Variants in ABCA13 observed in about 807,000 individuals in gnomAD.
ABCA13 encodes the protein ATP-binding cassette sub-family A member 13.
In ABCA13, 476 loss-of-function variants were observed where a neutral mutation model predicts 478.7. That is an observed-to-expected ratio of 0.99 (90% CI 0.92 to 1.07). ABCA13 has a LOEUF of 1.07. Among genes scored for constraint, ABCA13 ranks in the 50% least tolerant of loss-of-function variants. ABCA13 has a pLI of 0.00. For missense variants in ABCA13, 6,060 were observed against 5,910.6 expected, an observed-to-expected ratio of 1.03 and a Z score of -0.83; for synonymous variants, 2,252 against 2,158.9, an observed-to-expected ratio of 1.04 and a Z score of -1.20.
chr7:48,258,920 A>C lies in ABCA13; in HGVS notation c.2005+9569A>C, dbSNP rs904978121. Among the ~76,000 whole-genome samples, 43 of 150,492 alleles carry C rather than the reference A, an allele frequency of 2.9e-4. 2 individuals carry two copies. The highest frequency in any genetic ancestry group is 1.0e-3 in the African/African-American group (41 of 41,024). ...ATTACCATGTAATTGTGTAGTTTTG[A>C]GCAATTTTCTTGGCATTAGTTCCTA... is the stretch of plus-strand genomic sequence containing the variant. On this transcript the variant is annotated intron_variant, in intron 15 of 61. Transcript: ENST00000435803.
intron 59 of ABCA13, among the ~76,000 whole-genome samples, chr7:48,640,203 T>C (rs1337465993): frequency 6.6e-6 from 1 of 152,238 alleles, no homozygotes; most frequent in Non-Finnish European, 1.5e-5. Flanking sequence ...GTATTTGTTA[T>C]AAATTATGAC....
intron 57 of ABCA13, among the ~76,000 whole-genome samples, chr7:48,591,812 A>AT (rs909794827): frequency 2.6e-5 from 4 of 151,858 alleles, no homozygotes; most frequent in African/African-American, 9.7e-5. Context: ...TTGTATGTTG[A>AT]TTTTGTATCA....
intron 10 of ABCA13, 114 bp from the exon 11 acceptor site, chr7:48,244,462 T>G: frequency 7.8e-7 from 1 of 1,283,406 alleles, no homozygotes; most frequent in Non-Finnish European, 1.1e-6. Context: ...TTCAGTCTAG[T>G]GAACACACTT....
chr7:48,260,094 G>A (rs1793968576), intron 15 of ABCA13, among the ~76,000 whole-genome samples: 1 of 151,984 alleles, frequency 6.6e-6, no homozygotes, highest in Non-Finnish European at 1.5e-5. Flanking sequence ...GTTCTTATCT[G>A]TATTTCTGAA....
In ABCA13 at chr7:48,276,329, G is replaced by A. The variant is rs1038901718; in HGVS notation, c.6663G>A (p.Gln2221=). 12 of 1,557,354 alleles carry A rather than the reference G, an allele frequency of 7.7e-6. No homozygotes were observed. Among genetic ancestry groups the A allele is most frequent in the Non-Finnish European group, 9.6e-6 (11 of 1,149,454 alleles). The change falls in exon 17 of 62, where the codon CAG becomes CAA. Residue 2221 remains glutamine, a synonymous_variant. Transcript: ENST00000435803. ...NLINNLAGNS[Q]EAAWNLNDTD... ...TCAATAACTTAGCTGGGAATTCTCAGGAAGCAGCTTGGAACTTAAATGATA... is the reference window on the plus strand; with the variant it reads ...TCAATAACTTAGCTGGGAATTCTCAAGAAGCAGCTTGGAACTTAAATGATA...
intron 16 of ABCA13, among the ~76,000 whole-genome samples, chr7:48,270,761 T>C (rs1795489824): frequency 6.6e-6 from 1 of 152,206 alleles, no homozygotes; most frequent in Non-Finnish European, 1.5e-5. Context: ...TGTCAGACAG[T>C]GTGTTATACA....
In ABCA13 at chr7:48,219,396, C is replaced by T. The variant is rs372483337; in HGVS notation, c.330C>T (p.Asn110=). The change falls in exon 4 of 62, where the codon AAC becomes AAT. Residue 110 remains asparagine, a synonymous_variant. Transcript: ENST00000435803. The stretch of plus-strand genomic sequence containing the variant: ...CTGCAGCTGACCCCAAGAAAGTCAA[C>T]AACCTGGCCTTTTTAAAAGAGATAC... ...FQTAADPKKV[N]NLAFLKEIQD... 6.2e-7 allele frequency: 1 copy of T among 1,612,526 alleles called. No individual in the cohort carries two copies. The highest frequency in any genetic ancestry group is 1.3e-5 in the African/African-American group (1 of 74,782).
At chr7:48,268,305 C>T (rs949311267) in intron 15 of ABCA13, among the ~76,000 whole-genome samples, 3 of 151,954 alleles carry the variant, frequency 2.0e-5, no homozygotes, top group Admixed American at 6.5e-5. Flanking sequence ...CACAGGCGCC[C>T]ACCACCACAC....
intron 54 of ABCA13, among the ~76,000 whole-genome samples, chr7:48,527,953 C>A (rs373939559): frequency 2.6e-5 from 4 of 152,104 alleles, no homozygotes; most frequent in East Asian, 1.9e-4. Context: ...TACTTCTCAT[C>A]CTCTTGAGTT....
In ABCA13 at chr7:48,189,863, T is replaced by C. The variant is rs571807810; in HGVS notation, c.70-3096T>C. On this transcript the variant is annotated intron_variant, in intron 1 of 61. Coordinates refer to ENST00000435803, the MANE Select transcript of ABCA13 (RefSeq NM_152701.5). ...AAAGTATTTGTAATACCATAAGCCA[T>C]GAAAAGGCTGAATTCTTTAATTAAA... 1.4e-4 allele frequency among the ~76,000 whole-genome samples: 22 copies of C among 152,250 alleles called. No individual in the cohort carries two copies. In the South Asian group the frequency reaches 4.3e-3, roughly 30 times the overall value.
chr7:48,386,823 C>T (rs1585108275), intron 35 of ABCA13, among the ~76,000 whole-genome samples: 1 of 152,188 alleles, frequency 6.6e-6, no homozygotes, highest in East Asian at 1.9e-4. Flanking sequence ...GACATAGTCA[C>T]GGACAAAGAT....
chr7:48,511,258 T>G, intron 51 of ABCA13, 59 bp downstream of exon 51: 3 of 1,409,080 alleles, frequency 2.1e-6, no homozygotes, highest in Non-Finnish European at 2.9e-6. Context: ...GAGAAAACCC[T>G]CAGGATGGCT....
chr7:48,449,530 G>A (rs1299784038), intron 42 of ABCA13, among the ~76,000 whole-genome samples: 3 of 152,184 alleles, frequency 2.0e-5, no homozygotes, highest in African/African-American at 7.2e-5. Flanking sequence ...TTCAGGGTTA[G>A]CCAGGGCTGG....
At chr7:48,437,228 C>T (rs1422277773) in intron 42 of ABCA13, among the ~76,000 whole-genome samples, 7 of 151,904 alleles carry the variant, frequency 4.6e-5, no homozygotes, top group South Asian at 2.1e-4. Flanking sequence ...CTAATTGGTA[C>T]GTCTTCTTAG....
At chr7:48,630,836 A>C (rs1390080745) in intron 59 of ABCA13, among the ~76,000 whole-genome samples, 1 of 141,650 alleles carries the variant, frequency 7.1e-6, no homozygotes, top group African/African-American at 2.6e-5. Context: ...TTTTCTTTTT[A>C]ATAATAGCCA....
intron 48 of ABCA13, among the ~76,000 whole-genome samples, chr7:48,492,993 C>G (rs1194190486): frequency 2.6e-5 from 4 of 152,028 alleles, no homozygotes; most frequent in African/African-American, 7.3e-5. Context: ...TGCACTCCAG[C>G]CTGAGTGACA....
chr7:48,480,120 C>T (rs1314949448), intron 45 of ABCA13, among the ~76,000 whole-genome samples: 1 of 152,208 alleles, frequency 6.6e-6, no homozygotes, highest in Non-Finnish European at 1.5e-5. Context: ...TACGTTAGAT[C>T]TCTGAGTTCA....
intron 3 of ABCA13, among the ~76,000 whole-genome samples, chr7:48,211,983 A>G (rs555971834): frequency 6.6e-4 from 100 of 152,146 alleles, no homozygotes; most frequent in African/African-American, 2.4e-3. Flanking sequence ...CTGCAACTCC[A>G]CTGCCTTCAA....
chr7:48,505,678 T>G (rs908042124), intron 48 of ABCA13, among the ~76,000 whole-genome samples: 2 of 152,184 alleles, frequency 1.3e-5, no homozygotes, highest in East Asian at 3.9e-4. Context: ...ACGAACCAAC[T>G]TTATTTATGG....
Sources: gnomAD v4.1 joint callset for allele counts (sites outside exome capture counted in the v4.1 genomes callset) on GRCh38, gnomAD v4.1.1 for gene constraint, MANE v1.5 for transcripts, NCBI Gene and HGNC (gene_info 2026-07-23, HGNC 2026-07-21) for gene names.